THSD7B: variants seen among roughly 807,000 people sequenced by gnomAD.
THSD7B encodes thrombospondin type-1 domain-containing protein 7B.
A neutral mutation model predicts 213.6 loss-of-function variants in THSD7B; 138 were observed. The observed-to-expected ratio is 0.65, with a 90% CI of 0.56 to 0.74. The LOEUF is 0.74. Ranked by LOEUF, THSD7B falls within the 30% of genes least tolerant of loss-of-function variation. THSD7B has a pLI of 0.00. For synonymous variants in THSD7B, 742 were observed against 687.0 expected (o/e 1.08, Z -1.25); for missense variants, 1,931 against 1,991.5 (o/e 0.97, Z 0.58).
intron 2 of THSD7B, among the ~76,000 whole-genome samples, chr2:137,035,192 A>G (rs1351875890): frequency 3.9e-5 from 6 of 152,132 alleles, no homozygotes; most frequent in African/African-American, 9.7e-5. Flanking sequence ...TCATTAGGCC[A>G]TCTTTGTTAT....
intron 21 of THSD7B, among the ~76,000 whole-genome samples, chr2:137,645,106 C>G (rs1683006129): frequency 2.6e-5 from 4 of 152,102 alleles, no homozygotes; most frequent in Admixed American, 2.6e-4. Flanking sequence ...TATAAACTCT[C>G]CAAACATCTG....
intron 2 of THSD7B, among the ~76,000 whole-genome samples, chr2:136,935,903 TA>T (rs1210143075): frequency 6.8e-6 from 1 of 148,108 alleles, no homozygotes; most frequent in Non-Finnish European, 1.5e-5. Context: ...AATATAGTTA[TA>T]ATATGTAATA....
intron 12 of THSD7B, among the ~76,000 whole-genome samples, chr2:137,315,428 A>G (rs921840100): frequency 1.6e-4 from 24 of 152,148 alleles, no homozygotes; most frequent in African/African-American, 5.5e-4. Flanking sequence ...AGTGAGATGA[A>G]CCCGATACCT....
chr2:137,339,436 G>A (rs936480132), intron 12 of THSD7B, among the ~76,000 whole-genome samples: 1 of 152,036 alleles, frequency 6.6e-6, no homozygotes, highest in Non-Finnish European at 1.5e-5. Context: ...AATGGATGAA[G>A]CAGAGTAGAA....
chr2:137,212,545 C>T (rs1041926772), intron 7 of THSD7B, among the ~76,000 whole-genome samples: 2 of 152,008 alleles, frequency 1.3e-5, no homozygotes, highest in Admixed American at 1.3e-4. Context: ...CAAATTAAAA[C>T]ATTGTCTGAA....
At chr2:137,541,316 A>T (rs1048610522) in intron 15 of THSD7B, among the ~76,000 whole-genome samples, 2 of 151,704 alleles carry the variant, frequency 1.3e-5, no homozygotes, top group Non-Finnish European at 3.0e-5. Flanking sequence ...AAAAAAAAAA[A>T]TATGGTCCAA....
In THSD7B at chr2:137,264,176, G is replaced by A. The variant is rs534547340; in HGVS notation, c.2267-8357G>A. ...CTGATAACTCAGTCACAGATTTAAAGGTGAATAAACTTAGGCTGCCTAATA... is the reference window on the plus strand; with the variant it reads ...CTGATAACTCAGTCACAGATTTAAAAGTGAATAAACTTAGGCTGCCTAATA... On this transcript the variant is annotated intron_variant, in intron 10 of 27. Transcript: ENST00000409968. Among the ~76,000 whole-genome samples the A allele has an allele frequency of 6.0e-4, 91 of 152,080 alleles. 1 individual carries two copies. The highest frequency in any genetic ancestry group is 2.0e-3 in the African/African-American group (85 of 41,478).
chr2:137,033,769 C>T (rs1197469736), intron 2 of THSD7B, among the ~76,000 whole-genome samples: 1 of 152,014 alleles, frequency 6.6e-6, no homozygotes, highest in Admixed American at 6.6e-5. Context: ...CGCACCATCA[C>T]ACCCAGCTAA....
intron 2 of THSD7B, among the ~76,000 whole-genome samples, chr2:136,897,262 A>C (rs1186801342): frequency 6.6e-6 from 1 of 152,148 alleles, no homozygotes; most frequent in Non-Finnish European, 1.5e-5. Context: ...GAAGTCACGG[A>C]CCTGCATGGT....
chr2:137,170,696 G>T, intron 6 of THSD7B, 45 bp from the exon 7 acceptor site: 1 of 1,581,750 alleles, frequency 6.3e-7, no homozygotes, highest in South Asian at 1.1e-5. Flanking sequence ...TCCTTTCCTG[G>T]AAAAGAGTGG....
intron 5 of THSD7B, among the ~76,000 whole-genome samples, chr2:137,154,143 T>C (rs538752723): frequency 2.0e-5 from 3 of 152,124 alleles, no homozygotes; most frequent in Non-Finnish European, 4.4e-5. Flanking sequence ...ACCCCTAAGG[T>C]AGAAAGCAGA....
chr2:136,830,631 T>G (rs76950370), intron 1 of THSD7B, among the ~76,000 whole-genome samples: 2,356 of 152,304 alleles, frequency 0.015, 56 homozygotes, highest in African/African-American at 0.054. Flanking sequence ...CTCTCTATCC[T>G]TTCAGACTTT....
At chr2:136,846,913 A>G (rs1683020691) in intron 1 of THSD7B, among the ~76,000 whole-genome samples, 1 of 152,188 alleles carries the variant, frequency 6.6e-6, no homozygotes, top group Non-Finnish European at 1.5e-5. Context: ...TCTTTTATAT[A>G]TTCTCCTGGG....
At chr2:136,986,885 G>A (rs1224439297) in intron 2 of THSD7B, among the ~76,000 whole-genome samples, 1 of 152,166 alleles carries the variant, frequency 6.6e-6, no homozygotes, top group Non-Finnish European at 1.5e-5. Flanking sequence ...TTGCAAACAG[G>A]ATCAATGCTG....
At chr2:137,287,435 A>G (rs1014697164) in intron 12 of THSD7B, among the ~76,000 whole-genome samples, 1 of 152,164 alleles carries the variant, frequency 6.6e-6, no homozygotes, top group Non-Finnish European at 1.5e-5. Context: ...ATCTACGTGA[A>G]TAATGATTCT....
chr2:137,425,329 G>A (rs950994398), intron 14 of THSD7B, among the ~76,000 whole-genome samples: 2 of 151,868 alleles, frequency 1.3e-5, no homozygotes, highest in Admixed American at 6.6e-5. Flanking sequence ...TGATTCTCCT[G>A]CCTCAGCCTC....
intron 14 of THSD7B, among the ~76,000 whole-genome samples, chr2:137,430,223 G>C (rs559344402): frequency 6.6e-6 from 1 of 152,222 alleles, no homozygotes; most frequent in South Asian, 2.1e-4. Flanking sequence ...CTCTAAGCCT[G>C]GGTGGCAGAG....
intron 15 of THSD7B, among the ~76,000 whole-genome samples, chr2:137,454,424 G>GTCTGTCTGTCTGTCTATCTATCTA (rs1178884446): frequency 7.1e-6 from 1 of 140,142 alleles, no homozygotes; most frequent in African/African-American, 2.7e-5. Context: ...CTGTCTGTCT[G>GTCTGTCTGTCTGTCTATCTATCTA]TCTATCTATC....
intron 12 of THSD7B, among the ~76,000 whole-genome samples, chr2:137,329,369 CTTTG>C (rs1684441734): frequency 6.6e-6 from 1 of 152,068 alleles, no homozygotes; most frequent in Non-Finnish European, 1.5e-5. Context: ...GAAGAAATTT[CTTTG>C]TTTGTTTGTT....
Sources: allele counts gnomAD v4.1 joint callset (sites outside exome capture counted in the v4.1 genomes callset), GRCh38; gene constraint gnomAD v4.1.1; transcripts MANE v1.5; gene names NCBI Gene and HGNC (gene_info 2026-07-23, HGNC 2026-07-21).